Variants in GNAQ observed in about 807,000 individuals in gnomAD.
GNAQ encodes G protein subunit alpha q, also known as guanine nucleotide-binding protein G(q) subunit alpha.
In GNAQ, 8 loss-of-function variants were observed where a neutral mutation model predicts 43.9. The observed-to-expected ratio is 0.18, with a 90% CI of 0.11 to 0.33. GNAQ has a LOEUF of 0.33. Among genes scored for constraint, GNAQ ranks in the 10% least tolerant of loss-of-function variants. The pLI, the probability that GNAQ is intolerant of heterozygous loss-of-function variation, is 1.00. For missense variants in GNAQ, 158 were observed against 450.8 expected, an observed-to-expected ratio of 0.35 and a Z score of 5.88; for synonymous variants, 155 against 170.7, an observed-to-expected ratio of 0.91 and a Z score of 0.71.
At chr9:77,939,154 C>A (rs1243816887) in intron 1 of GNAQ, among the ~76,000 whole-genome samples, 1 of 152,172 alleles carries the variant, frequency 6.6e-6, no homozygotes, top group East Asian at 1.9e-4. Context: ...GTCCCCATGA[C>A]CTTCCTAAGG....
intron 5 of GNAQ, among the ~76,000 whole-genome samples, chr9:77,760,531 T>G (rs1035933948): frequency 1.9e-4 from 29 of 152,064 alleles, no homozygotes; most frequent in Non-Finnish European, 3.2e-4. Context: ...CAAGATGGAG[T>G]GCAGTGGCGT....
chr9:77,760,443 G>A (rs1404693127), intron 5 of GNAQ, among the ~76,000 whole-genome samples: 4 of 152,098 alleles, frequency 2.6e-5, no homozygotes, highest in East Asian at 1.9e-4. Flanking sequence ...TCCTAACCGC[G>A]AGTGATCCGC....
In GNAQ at chr9:77,716,409, CA is replaced by C. The variant is rs1260183679; in HGVS notation, c.*4913del. On this transcript the variant is annotated 3_prime_UTR_variant, in exon 7 of 7. Transcript: ENST00000286548. ...ATGCATTTGAATGACATTTTAGGAACAGTAAATATTCTTTTAAATACTGCAA... is the reference window on the plus strand; with the variant it reads ...ATGCATTTGAATGACATTTTAGGAACGTAAATATTCTTTTAAATACTGCAA... 1 of 232,410 alleles carries C rather than the reference CA, an allele frequency of 4.3e-6. No homozygotes were observed. Among genetic ancestry groups the C allele is most frequent in the African/African-American group, 2.2e-5 (1 of 45,288 alleles). 14.4% of individuals were successfully genotyped at this position (232,410 alleles called of 1,614,324 possible).
intron 1 of GNAQ, among the ~76,000 whole-genome samples, chr9:77,933,514 G>A (rs564406077): frequency 6.8e-4 from 104 of 152,132 alleles, no homozygotes; most frequent in Non-Finnish European, 1.3e-3. Context: ...ACGGGGTGGT[G>A]CACGCCTGTG....
intron 1 of GNAQ, among the ~76,000 whole-genome samples, chr9:77,931,554 G>A (rs1829152493): frequency 6.6e-6 from 1 of 151,548 alleles, no homozygotes; most frequent in Non-Finnish European, 1.5e-5. Flanking sequence ...TCATGCCACT[G>A]CACTCCAGCC....
chr9:77,889,275 G>C (rs1828359883), intron 2 of GNAQ, among the ~76,000 whole-genome samples: 1 of 151,392 alleles, frequency 6.6e-6, no homozygotes, highest in Non-Finnish European at 1.5e-5. Flanking sequence ...GGGTGTGGTG[G>C]TGCGTGCCTG....
chr9:77,992,355 T>C (rs1759940368), intron 1 of GNAQ, among the ~76,000 whole-genome samples: 2 of 152,202 alleles, frequency 1.3e-5, no homozygotes, highest in Admixed American at 1.3e-4. Flanking sequence ...CACTTGCAAG[T>C]TAACCGTAGA....
chr9:77,763,669 A>G (rs1005903045), intron 5 of GNAQ, among the ~76,000 whole-genome samples: 10 of 152,350 alleles, frequency 6.6e-5, no homozygotes, highest in Non-Finnish European at 1.3e-4. Flanking sequence ...GGGTAAATAA[A>G]AACTGTTACT....
chr9:77,968,716 G>T (rs1013466873), intron 1 of GNAQ, among the ~76,000 whole-genome samples: 2 of 152,094 alleles, frequency 1.3e-5, no homozygotes, highest in African/African-American at 4.8e-5. Flanking sequence ...ATTAATTTTC[G>T]TAAGTGTACC....
At chr9:77,766,747 TTAAC>T (rs1234829586) in intron 5 of GNAQ, among the ~76,000 whole-genome samples, 5 of 152,110 alleles carry the variant, frequency 3.3e-5, no homozygotes, top group African/African-American at 4.8e-5. Flanking sequence ...GTGTGGGTGT[TTAAC>T]TAGTGACAAC....
At chr9:77,747,442 G>GT (rs916441964) in intron 5 of GNAQ, among the ~76,000 whole-genome samples, 2 of 152,102 alleles carry the variant, frequency 1.3e-5, no homozygotes, top group Admixed American at 1.3e-4. Flanking sequence ...TCAGTAAAAA[G>GT]TAAGACTGGG....
chr9:77,819,029 ACACCC>A (rs1564120124), intron 2 of GNAQ, among the ~76,000 whole-genome samples: 12 of 119,210 alleles, frequency 1.0e-4, no homozygotes, highest in African/African-American at 2.0e-4. Context: ...AAAAAAAAAA[ACACCC>A]AAAAATACCT....
At chr9:77,844,419 T>C (rs1385298059) in intron 2 of GNAQ, among the ~76,000 whole-genome samples, 1 of 152,204 alleles carries the variant, frequency 6.6e-6, no homozygotes, top group African/African-American at 2.4e-5. Flanking sequence ...TTTTTCTTTA[T>C]ATTATTTCTC....
At chr9:77,996,926 T>C (rs905266033) in intron 1 of GNAQ, among the ~76,000 whole-genome samples, 4 of 152,160 alleles carry the variant, frequency 2.6e-5, no homozygotes, top group African/African-American at 7.2e-5. Flanking sequence ...ATACATAGCA[T>C]TAAAGATCAA....
intron 1 of GNAQ, among the ~76,000 whole-genome samples, chr9:78,029,218 A>G (rs552393643): frequency 6.6e-6 from 1 of 152,226 alleles, no homozygotes; most frequent in East Asian, 1.9e-4. Flanking sequence ...TCAGGCAAAT[A>G]GGGTTGGCTG....
intron 5 of GNAQ, among the ~76,000 whole-genome samples, chr9:77,763,149 A>C (rs540868187): frequency 6.1e-4 from 92 of 151,716 alleles, no homozygotes; most frequent in African/African-American, 2.0e-3. Flanking sequence ...AACAAAAAAA[A>C]AAAAAACAAA....
At chr9:77,868,329 C>T (rs1388593864) in intron 2 of GNAQ, among the ~76,000 whole-genome samples, 1 of 152,110 alleles carries the variant, frequency 6.6e-6, no homozygotes, top group Non-Finnish European at 1.5e-5. Flanking sequence ...AAAAGGCCAA[C>T]CTTTGTTGAA....
intron 5 of GNAQ, among the ~76,000 whole-genome samples, chr9:77,748,826 AC>A (rs1295965827): frequency 6.6e-6 from 1 of 152,226 alleles, no homozygotes; most frequent in Non-Finnish European, 1.5e-5. Flanking sequence ...ATTTTGGCCC[AC>A]AAGTGAGGTA....
At chr9:77,725,158 TTA>T (rs1355242715) in intron 6 of GNAQ, among the ~76,000 whole-genome samples, 1 of 152,154 alleles carries the variant, frequency 6.6e-6, no homozygotes, top group Non-Finnish European at 1.5e-5. Flanking sequence ...TTGAAAAGTG[TTA>T]TGTTTTTAAG....
Sources: gnomAD v4.1 joint callset for allele counts (sites outside exome capture counted in the v4.1 genomes callset) on GRCh38, gnomAD v4.1.1 for gene constraint, MANE v1.5 for transcripts, NCBI Gene and HGNC (gene_info 2026-07-23, HGNC 2026-07-21) for gene names.